Variants in POLL observed in about 807,000 individuals in gnomAD.
The protein encoded by POLL is DNA polymerase beta-2.
A neutral mutation model predicts 58.1 loss-of-function variants in POLL; 44 were observed. The ratio of observed to expected loss-of-function variants is 0.76; its 90% CI spans 0.60 to 0.97. The LOEUF (loss-of-function observed/expected upper bound fraction) is 0.97. Ranked by LOEUF, POLL falls within the 50% of genes least tolerant of loss-of-function variation. The pLI is 0.00. For missense variants in POLL, 632 were observed against 736.8 expected (o/e 0.86, Z 1.65); for synonymous variants, 290 against 283.2 (o/e 1.02, Z -0.24).
In POLL at chr10:101,579,861, C is replaced by T; in HGVS notation, c.1364-44G>A. On this transcript the variant is annotated intron_variant, in intron 8 of 8. Coordinates refer to ENST00000370162, the MANE Select transcript of POLL (RefSeq NM_001174084.2). This position sits in a 1 kb window ranked among gnomAD's most constrained non-coding sequence, Gnocchi z 4.4. ...CTGCTGGGAGGGCAGGGAACCAGGCCTGGGCTGTCCCATCCTCCCAGGTCT... is the reference window on the plus strand; with the variant it reads ...CTGCTGGGAGGGCAGGGAACCAGGCTTGGGCTGTCCCATCCTCCCAGGTCT... The T allele has an allele frequency of 1.9e-6, 3 of 1,574,732 alleles. No homozygotes were observed. Among genetic ancestry groups the T allele is most frequent in the Middle Eastern group, 1.7e-4 (1 of 5,830 alleles).
Position 101,580,178 on chromosome 10 carries a change from T to C in POLL, c.1363+70A>G. On this transcript the variant is annotated intron_variant, in intron 8 of 8. Coordinates refer to ENST00000370162, the MANE Select transcript of POLL (RefSeq NM_001174084.2). The surrounding 1 kb of genome is among the most constrained non-coding windows in gnomAD (Gnocchi z 4.1). The stretch of plus-strand genomic sequence containing the variant: ...CTCAGGACTGGAACTTCTGAGGTTC[T>C]CCCTCTGAGGGGGCCCCCAGACCTG... The C allele has an allele frequency of 7.5e-7, 1 of 1,334,354 alleles. No homozygotes were observed. Among genetic ancestry groups the C allele is most frequent in the Non-Finnish European group, 1.0e-6 (1 of 960,002 alleles). 82.7% of individuals were successfully genotyped at this position (1,334,354 alleles called of 1,614,324 possible).
rs1267271408 is a variant in POLL at position 101,581,171 on chromosome 10, G to GC, written c.1195-756dup. 8.8e-4 allele frequency: 134 copies of GC among 152,338 alleles called. 1 individual carries two copies. The highest frequency in any genetic ancestry group is 6.6e-4 in the Non-Finnish European group (45 of 68,048). 9.4% of individuals were successfully genotyped at this position (152,338 alleles called of 1,614,324 possible). A position where few individuals can be genotyped will look rare whatever the true frequency, so the allele number is the denominator to read the frequency against. On this transcript the variant is annotated intron_variant, in intron 7 of 8. Transcript: ENST00000370162. ...ACCCCAGGACACTGAAAATTCTGGG[G>GC]CCCCGGACACCTCAAGTATCCTGAC... is the stretch of plus-strand genomic sequence containing the variant.
At position 101,588,224 on chromosome 10, in the gene POLL, G is replaced by C. The variant is rs753892532; in HGVS notation, c.-449C>G. 6.5e-7 allele frequency: 1 copy of C among 1,547,464 alleles called. No homozygotes were observed. ...CTTACCAGCAGAGCCAATGAGAGCG[G>C]ACGAAGGGGGGAAGGAGGGCAAATG... On this transcript the variant is annotated 5_prime_UTR_variant, in exon 1 of 9. Transcript: ENST00000370162.
chr10:101,585,320 G>T lies in POLL; in HGVS notation c.569C>A (p.Ala190Asp). The change falls in exon 4 of 9, where the codon GCC (alanine) becomes GAC (aspartate). Residue 190 changes from alanine (A) to aspartate (D), a missense_variant. Transcript: ENST00000370162. Reference protein sequence around the residue: ...QKAKEAPNTQAQPISDDEASD... With the variant: ...QKAKEAPNTQDQPISDDEASD... The stretch of plus-strand genomic sequence containing the variant: ...GAGGGATGGGAGGCTCCTGACCTGG[G>T]CTTGGGTGTTTGGTGCCTCTTTTGC... 1.3e-6 allele frequency: 2 copies of T among 1,564,708 alleles called. No individual in the cohort carries two copies. The highest frequency in any genetic ancestry group is 8.6e-7 in the Non-Finnish European group (1 of 1,156,574).
chr10:101,582,754 C>T lies in POLL; in HGVS notation c.1194+9G>A, dbSNP rs1180606515. 15 of 1,613,300 alleles carry T rather than the reference C, an allele frequency of 9.3e-6. No individual in the cohort carries two copies. Among genetic ancestry groups the T allele is most frequent in the Admixed American group, 1.7e-5 (1 of 59,996 alleles). ...TGGCTGTCCTCACTGCTCTGGGACA[C>T]CTGCTTACTGTCTGCTCAATCTCTG... is the stretch of plus-strand genomic sequence containing the variant. On this transcript the variant is annotated intron_variant, in intron 7 of 8. Transcript: ENST00000370162.
In POLL at chr10:101,584,834, G is replaced by A; in HGVS notation, c.659C>T (p.Pro220Leu). 6.5e-7 allele frequency: 1 copy of A among 1,536,990 alleles called. No homozygotes were observed. Among genetic ancestry groups the A allele is most frequent in the African/African-American group, 1.4e-5 (1 of 72,898 alleles). ...DLEALISGHY[P>L]TSLEGDCEPS... is the part of the protein sequence containing the mutation. ...CTCACAATCTCCCTCAAGGGAGGTGGGGTAGTGGCCACTGATGAGGGCTTC... is the reference window on the plus strand; with the variant it reads ...CTCACAATCTCCCTCAAGGGAGGTGAGGTAGTGGCCACTGATGAGGGCTTC... Residue 220 changes from proline to leucine, a missense_variant, in exon 5 of 9, where the codon CCC becomes CTC. Pro to Leu is a moderately conservative substitution (Grantham distance 98, BLOSUM62 -3). Coordinates refer to ENST00000370162, the MANE Select transcript of POLL (RefSeq NM_001174084.2).
intron 2 of POLL, 162 bp downstream of exon 2, chr10:101,587,084 C>A: frequency 6.6e-7 from 1 of 1,526,686 alleles, no homozygotes; most frequent in South Asian, 1.1e-5. Flanking sequence ...TGTCCAAGAC[C>A]CAGGACCAAG....
rs1368980193 is a variant in POLL at position 101,585,405 on chromosome 10, G to A, written c.484C>T (p.Leu162Phe). Residue 162 changes from leucine (L) to phenylalanine (F), a missense_variant, in exon 4 of 9, where the codon CTT becomes TTT. Transcript: ENST00000370162. ...SIPPGTHEALLQTALSPPPPP... is the reference protein window; with the variant it reads ...SIPPGTHEALFQTALSPPPPP... ...GGAGGAGGAGAAAGGGCTGTCTGAAGCAGGGCCTCATGGGTGCCAGGAGGA... is the reference window on the plus strand; with the variant it reads ...GGAGGAGGAGAAAGGGCTGTCTGAAACAGGGCCTCATGGGTGCCAGGAGGA... The A allele has an allele frequency of 6.2e-7, 1 of 1,609,058 alleles. No homozygotes were observed. Among genetic ancestry groups the A allele is most frequent in the Non-Finnish European group, 8.5e-7 (1 of 1,177,632 alleles).
At position 101,583,630 on chromosome 10, in the gene POLL, CTA is replaced by C. The variant is rs1487589686; in HGVS notation, c.941_942del (p.Ile314ArgfsTer16). ...CGCAAATGCCCGCTCTCCAGGATCT[CTA>C]TGATTTTCTCAGCCATCCGCTTCCC... ...GIGKRMAEKI[I>X]EILESGHLRK... On this transcript the variant is annotated frameshift_variant, in exon 6 of 9. Coordinates refer to ENST00000370162, the MANE Select transcript of POLL (RefSeq NM_001174084.2). LOFTEE classifies it high-confidence loss of function. 1 of 1,614,058 alleles carries C rather than the reference CTA, an allele frequency of 6.2e-7. No homozygotes were observed. The highest frequency in any genetic ancestry group is 1.7e-5 in the Admixed American group (1 of 59,994).
chr10:101,584,566 G>A, intron 5 of POLL, 36 bp downstream of exon 5: 2 of 1,468,774 alleles, frequency 1.4e-6, no homozygotes, highest in South Asian at 2.8e-5. Flanking sequence ...CCACTGGCCA[G>A]TAAAGACCCC....
In POLL at chr10:101,579,640, C is replaced by T. The variant is rs776788486; in HGVS notation, c.1541G>A (p.Arg514His). The T allele has an allele frequency of 9.9e-6, 16 of 1,613,748 alleles. No homozygotes were observed. Among genetic ancestry groups the T allele is most frequent in the East Asian group, 6.7e-5 (3 of 44,870 alleles). Residue 514 changes from arginine to histidine, a missense_variant, in exon 9 of 9, where the codon CGC (arginine) becomes CAC (histidine). Physicochemically the swap from Arg to His is conservative, Grantham distance 29. Coordinates refer to ENST00000370162, the MANE Select transcript of POLL (RefSeq NM_001174084.2). The surrounding 1 kb of genome is among the most constrained non-coding windows in gnomAD (Gnocchi z 4.4). ...GGTTTTGGCCAGGGCTCGCATGGAG[C>T]GGTTGAAGTGTGCAGAGCCGGTGAA... is the stretch of plus-strand genomic sequence containing the variant. ...LYFTGSAHFN[R>H]SMRALAKTKG...
In POLL at chr10:101,580,356, G is replaced by T; in HGVS notation, c.1255C>A (p.Arg419=). The change falls in exon 8 of 9, where the codon CGA becomes AGA. Residue 419 remains arginine, a synonymous_variant. Coordinates refer to ENST00000370162, the MANE Select transcript of POLL (RefSeq NM_001174084.2). The surrounding 1 kb of genome is among the most constrained non-coding windows in gnomAD (Gnocchi z 4.1). The stretch of plus-strand genomic sequence containing the variant: ...TCACCACAGGTCGCCTTTCCCCGTC[G>T]GTATGAACCACATGCCACACACAGC... ...GLLCVACGSY[R]RGKATCGDVD... The T allele has an allele frequency of 6.2e-7, 1 of 1,614,026 alleles. No individual in the cohort carries two copies. The highest frequency in any genetic ancestry group is 8.5e-7 in the Non-Finnish European group (1 of 1,179,980).
rs780401773 is a variant in POLL at position 101,579,439 on chromosome 10, C to A, written c.*14G>T. The A allele has an allele frequency of 1.6e-5, 25 of 1,591,162 alleles. No homozygotes were observed. Among genetic ancestry groups the A allele is most frequent in the South Asian group, 1.0e-4 (9 of 87,832 alleles). ...CAGTCCAACTCGGCTCTCCTCAGCA[C>A]CCCCAGCCATGGGTCACCAGTCCCG... On this transcript the variant is annotated 3_prime_UTR_variant, in exon 9 of 9. Transcript: ENST00000370162. This position sits in a 1 kb window ranked among gnomAD's most constrained non-coding sequence, Gnocchi z 4.4.
chr10:101,588,167 C>G lies in POLL; in HGVS notation c.-392G>C. On this transcript the variant is annotated 5_prime_UTR_variant, in exon 1 of 9. Transcript: ENST00000370162. ...CGGGTGGGGTCGACTACTGGCCAAG[C>G]TAGTCACCCGGGGGTGGGCAGGAAT... 6.6e-7 allele frequency: 1 copy of G among 1,523,466 alleles called. No individual in the cohort carries two copies. Among genetic ancestry groups the G allele is most frequent in the Non-Finnish European group, 8.8e-7 (1 of 1,137,522 alleles). 94.4% of individuals were successfully genotyped at this position (1,523,466 alleles called of 1,614,324 possible). A position where few individuals can be genotyped will look rare whatever the true frequency, so the allele number is the denominator to read the frequency against.
chr10:101,583,570 A>G lies in POLL; in HGVS notation c.1003T>C (p.Leu335=). ...LDHISESVPV[L]ELFSNIWGAG... is the part of the protein sequence containing the mutation. Reference sequence around the variant, plus strand: ...CCCCAGATGTTGGAGAAGAGCTCCAAGACAGGCACGCTCTCACTGATATGG... The same window carrying G: ...CCCCAGATGTTGGAGAAGAGCTCCAGGACAGGCACGCTCTCACTGATATGG... The change falls in exon 6 of 9, where the codon TTG becomes CTG. Residue 335 remains leucine, a synonymous_variant. Coordinates refer to ENST00000370162, the MANE Select transcript of POLL (RefSeq NM_001174084.2). The G allele has an allele frequency of 6.2e-7, 1 of 1,614,060 alleles. No individual in the cohort carries two copies. Among genetic ancestry groups the G allele is most frequent in the East Asian group, 2.2e-5 (1 of 44,886 alleles).
chr10:101,586,090 A>G lies in POLL; in HGVS notation c.182T>C (p.Phe61Ser), dbSNP rs760740139. 5 of 1,613,918 alleles carry G rather than the reference A, an allele frequency of 3.1e-6. No homozygotes were observed. Among genetic ancestry groups the G allele is most frequent in the South Asian group, 2.2e-5 (2 of 91,084 alleles). The change falls in exon 3 of 9, where the codon TTT becomes TCT. Residue 61 changes from phenylalanine to serine, a missense_variant. Coordinates refer to ENST00000370162, the MANE Select transcript of POLL (RefSeq NM_001174084.2). The stretch of plus-strand genomic sequence containing the variant: ...GCCATGCTGAACAATCTGCTTCTCA[A>G]AGAGTTCTGCCCGGGCTCGTCCAAT... The part of the protein sequence containing the change: ...TGIGRARAEL[F>S]EKQIVQHGGQ...
chr10:101,580,498 C>CGG lies in POLL; in HGVS notation c.1195-84_1195-83dup. On this transcript the variant is annotated intron_variant, in intron 7 of 8. Transcript: ENST00000370162. This position sits in a 1 kb window ranked among gnomAD's most constrained non-coding sequence, Gnocchi z 4.1. ...AGCAGTACAAGGGCCTTCCCAGACT[C>CGG]GGGCCCACACCCTCAGCTTATGCCC... is the stretch of plus-strand genomic sequence containing the variant. 2.4e-6 allele frequency: 3 copies of CGG among 1,273,428 alleles called. No homozygotes were observed. Among genetic ancestry groups the CGG allele is most frequent in the Non-Finnish European group, 3.3e-6 (3 of 900,150 alleles). 78.9% of individuals were successfully genotyped at this position (1,273,428 alleles called of 1,614,324 possible). A position where few individuals can be genotyped will look rare whatever the true frequency, so the allele number is the denominator to read the frequency against.
chr10:101,584,214 A>G (rs1057310082), intron 5 of POLL, among the ~76,000 whole-genome samples: 14 of 152,146 alleles, frequency 9.2e-5, no homozygotes, highest in Non-Finnish European at 2.9e-5. Context: ...ACAAGGGCTC[A>G]TGGCTGTAAT....
chr10:101,586,815 TTTATCA>T (rs1313796569), intron 2 of POLL, among the ~76,000 whole-genome samples: 1 of 152,134 alleles, frequency 6.6e-6, no homozygotes, highest in Non-Finnish European at 1.5e-5. Context: ...CTTTGAATCC[TTTATCA>T]TTTATTCTTT....
Sources: gnomAD v4.1 joint callset for allele counts (sites outside exome capture counted in the v4.1 genomes callset) on GRCh38, gnomAD v4.1.1 for gene constraint, Gnocchi (gnomAD v3.1) non-coding constraint, MANE v1.5 for transcripts, NCBI Gene and HGNC (gene_info 2026-07-23, HGNC 2026-07-21) for gene names.